The following CRYBB1 variants were observed in gnomAD, a reference collection of about 807,000 sequenced individuals.
CRYBB1 encodes the protein crystallin beta B1.
In CRYBB1, 16 loss-of-function variants were observed where a neutral mutation model predicts 29.5. The ratio of observed to expected loss-of-function variants is 0.54; its 90% CI spans 0.37 to 0.82. The LOEUF is 0.82. Ranked by LOEUF, CRYBB1 falls within the 40% of genes least tolerant of loss-of-function variation. The probability of loss-of-function intolerance (pLI) is 0.00; values close to 1 mark genes in which losing one functional copy is unlikely to be tolerated. For missense variants in CRYBB1, 300 were observed against 350.5 expected (o/e 0.86, Z 1.15); for synonymous variants, 127 against 136.7 (o/e 0.93, Z 0.49).
rs1196909357 is a variant in CRYBB1, at chr22:26,610,679, G to A, written c.299+1393C>T. Among the ~76,000 whole-genome samples the A allele has an allele frequency of 4.6e-5, 7 of 152,184 alleles. No homozygotes were observed. In the East Asian group the frequency reaches 9.6e-4, roughly 21 times the overall value. ...ATTCACCGGGCAGGGAGGTGGGTAC[G>A]TGACCATCAGAGTCACCTGCCATGT... On this transcript the variant is annotated intron_variant, in intron 3 of 5. Coordinates refer to ENST00000647684, the MANE Select transcript of CRYBB1 (RefSeq NM_001887.4).
rs899337705 is a variant in CRYBB1, at chr22:26,599,520, G to C, written c.729C>G (p.Phe243Leu). The change falls in exon 6 of 6, where the codon TTC becomes TTG. Residue 243 changes from phenylalanine to leucine, a missense_variant. Physicochemically the swap from Phe to Leu is conservative, Grantham distance 22 (BLOSUM62 0). Coordinates refer to ENST00000647684, the MANE Select transcript of CRYBB1 (RefSeq NM_001887.4). ...TGGGGGGCTCTGTGGCCAGGACAGGGAAGGACCCCTCGAGGTGCCACTGCT... is the reference window on the plus strand; with the variant it reads ...TGGGGGGCTCTGTGGCCAGGACAGGCAAGGACCCCTCGAGGTGCCACTGCT... ...RDKQWHLEGS[F>L]PVLATEPPK is the part of the protein sequence containing the mutation. The C allele has an allele frequency of 1.1e-5, 17 of 1,613,322 alleles. No homozygotes were observed. In the African/African-American group the frequency reaches 2.0e-4, roughly 19 times the overall value.
chr22:26,606,051 A>G (rs1928968062), intron 4 of CRYBB1, among the ~76,000 whole-genome samples: 1 of 152,240 alleles, frequency 6.6e-6, no homozygotes, highest in African/African-American at 2.4e-5. Flanking sequence ...CGCTATCGTT[A>G]GTGATAGTGT....
In CRYBB1 at chr22:26,607,964, G is replaced by A. The variant is rs763685652; in HGVS notation, c.357C>T (p.Gly119=). 24 of 1,614,048 alleles carry A rather than the reference G, an allele frequency of 1.5e-5. No homozygotes were observed. Among genetic ancestry groups the A allele is most frequent in the African/African-American group, 5.3e-5 (4 of 74,920 alleles). The change falls in exon 4 of 6, where the codon GGC becomes GGT. Residue 119 remains glycine (G), a synonymous_variant. Transcript: ENST00000647684. ...FRGEMFILEK[G]EYPRWNTWSS... ...ACCATGTGTTCCAGCGAGGGTACTC[G>A]CCCTTCTCCAGGATGAACATCTCCC... is the stretch of plus-strand genomic sequence containing the variant.
Position 26,612,169 on chromosome 22 carries a change from T to G in CRYBB1, c.202A>C (p.Asn68His). The change falls in exon 3 of 6, where the codon AAC (asparagine) becomes CAC (histidine). Residue 68 changes from asparagine (N) to histidine (H), a missense_variant. Coordinates refer to ENST00000647684, the MANE Select transcript of CRYBB1 (RefSeq NM_001887.4). The stretch of plus-strand genomic sequence containing the variant: ...AATTCTGCTCGACGGCCCTGGAAGT[T>G]TTCCAGTTCGAAGACCACCAGCTGC... Reference protein sequence around the residue: ...NYRLVVFELENFQGRRAEFSG... With the variant: ...NYRLVVFELEHFQGRRAEFSG... 6.2e-7 allele frequency: 1 copy of G among 1,612,436 alleles called. No homozygotes were observed. The highest frequency in any genetic ancestry group is 1.1e-5 in the South Asian group (1 of 91,004).
intron 3 of CRYBB1, among the ~76,000 whole-genome samples, chr22:26,611,459 T>TGTTTTTG (rs111387772): frequency 7.4e-6 from 1 of 134,684 alleles, no homozygotes; most frequent in African/African-American, 2.6e-5. Flanking sequence ...AGTTTGTTTT[T>TGTTTTTG]TTTTTTTTTG....
chr22:26,613,279 G>T (rs925075390), intron 2 of CRYBB1, among the ~76,000 whole-genome samples: 6 of 152,180 alleles, frequency 3.9e-5, no homozygotes, highest in Admixed American at 3.3e-4. Flanking sequence ...TGCCTTCTTT[G>T]AGCCTCAGTT....
chr22:26,603,017 TG>T (rs1287091062), intron 4 of CRYBB1, among the ~76,000 whole-genome samples: 1 of 147,592 alleles, frequency 6.8e-6, no homozygotes, highest in African/African-American at 2.5e-5. Flanking sequence ...CCCAGCTACT[TG>T]GGAGGCTGAG....
chr22:26,603,370 A>G (rs570727584), intron 4 of CRYBB1, among the ~76,000 whole-genome samples: 46 of 151,740 alleles, frequency 3.0e-4, no homozygotes, highest in Admixed American at 5.3e-4. Context: ...TCTCTACTAA[A>G]AATGCAAAAA....
chr22:26,605,178 C>A (rs1405558280), intron 4 of CRYBB1, among the ~76,000 whole-genome samples: 1 of 152,188 alleles, frequency 6.6e-6, no homozygotes, highest in Non-Finnish European at 1.5e-5. Context: ...AATATCTGAG[C>A]CCCCAGTTCC....
intron 4 of CRYBB1, among the ~76,000 whole-genome samples, chr22:26,602,439 T>A (rs187297667): frequency 3.6e-4 from 55 of 151,852 alleles, no homozygotes; most frequent in African/African-American, 1.1e-3. Flanking sequence ...ATTTTTTTTT[T>A]AATTTGCCAG....
At chr22:26,604,189 G>A (rs1033747861) in intron 4 of CRYBB1, among the ~76,000 whole-genome samples, 20 of 152,150 alleles carry the variant, frequency 1.3e-4, no homozygotes, top group African/African-American at 3.9e-4. Context: ...ACAGACCTTG[G>A]TTCAAATCCC....
intron 2 of CRYBB1, among the ~76,000 whole-genome samples, chr22:26,615,275 C>A (rs1929306125): frequency 6.6e-6 from 1 of 152,184 alleles, no homozygotes; most frequent in Non-Finnish European, 1.5e-5. Context: ...CAGACCACCT[C>A]GAGCAATTTT....
At chr22:26,607,116 G>A (rs1276222932) in intron 4 of CRYBB1, among the ~76,000 whole-genome samples, 1 of 145,422 alleles carries the variant, frequency 6.9e-6, no homozygotes, top group African/African-American at 2.6e-5. Flanking sequence ...TCTGGCTCCC[G>A]GGTTCAAGTA....
chr22:26,611,478 T>G lies in CRYBB1; in HGVS notation c.299+594A>C, dbSNP rs1051841806. Among the ~76,000 whole-genome samples the G allele has an allele frequency of 2.2e-4, 32 of 148,658 alleles. 1 individual carries two copies. The highest frequency in any genetic ancestry group is 4.4e-4 in the African/African-American group (18 of 41,118). ...TGTTTTTTTTTTTTTTGTTTTTTTT[T>G]TTTTTTTGAGACGGAGTCTCGCTCT... On this transcript the variant is annotated intron_variant, in intron 3 of 5. Coordinates refer to ENST00000647684, the MANE Select transcript of CRYBB1 (RefSeq NM_001887.4).
At chr22:26,606,586 TGA>T (rs773111726) in intron 4 of CRYBB1, among the ~76,000 whole-genome samples, 3 of 152,222 alleles carry the variant, frequency 2.0e-5, no homozygotes, top group African/African-American at 4.8e-5. Context: ...ATTCAATGAT[TGA>T]GAGAGACATC....
At chr22:26,612,024 T>C in intron 3 of CRYBB1, 48 bp downstream of exon 3, 2 of 1,370,944 alleles carry the variant, frequency 1.5e-6, no homozygotes, top group African/African-American at 2.8e-5. Context: ...TGTTGTGTGG[T>C]CATTTTACTG....
intron 1 of CRYBB1, 71 bp from the exon 2 acceptor site, chr22:26,616,409 G>A (rs760739770): frequency 1.3e-5 from 13 of 1,036,612 alleles, no homozygotes; most frequent in Non-Finnish European, 1.9e-5. Context: ...CCCACATCCT[G>A]TGCTTTCAGC....
At chr22:26,601,128 C>T (rs1040865167) in intron 5 of CRYBB1, among the ~76,000 whole-genome samples, 1 of 152,212 alleles carries the variant, frequency 6.6e-6, no homozygotes, top group Middle Eastern at 3.4e-3. Flanking sequence ...AAGGCCATAG[C>T]CATGATGGTG....
At chr22:26,605,683 A>G (rs1036606311) in intron 4 of CRYBB1, among the ~76,000 whole-genome samples, 6 of 151,222 alleles carry the variant, frequency 4.0e-5, no homozygotes, top group African/African-American at 1.5e-4. Flanking sequence ...AAAAAAAAAA[A>G]AAAAAAAAAG....
Sources: gnomAD v4.1 joint callset for allele counts (sites outside exome capture counted in the v4.1 genomes callset) on GRCh38, gnomAD v4.1.1 for gene constraint, MANE v1.5 for transcripts, NCBI Gene and HGNC (gene_info 2026-07-23, HGNC 2026-07-21) for gene names.